RFX6: variants seen among roughly 807,000 people sequenced by gnomAD.
The protein encoded by RFX6 is DNA-binding protein RFX6.
RFX6 carries 50 observed loss-of-function variants against 110.8 expected under a neutral mutation model. That is an observed-to-expected ratio of 0.45 (90% CI 0.36 to 0.57). The LOEUF (loss-of-function observed/expected upper bound fraction) is 0.57, where lower values mean the gene tolerates loss of function less well. Ranked by LOEUF, RFX6 falls within the 20% of genes least tolerant of loss-of-function variation. RFX6 has a pLI of 0.00. For missense variants in RFX6, 990 were observed against 1,127.0 expected, an observed-to-expected ratio of 0.88 and a Z score of 1.74; for synonymous variants, 383 against 411.2, an observed-to-expected ratio of 0.93 and a Z score of 0.83.
intron 4 of RFX6, among the ~76,000 whole-genome samples, chr6:116,886,260 T>G (rs377071507): frequency 2.0e-4 from 31 of 152,334 alleles, no homozygotes; most frequent in African/African-American, 6.3e-4. Context: ...TGATGATGAT[T>G]ACTTAAAAAA....
intron 6 of RFX6, among the ~76,000 whole-genome samples, chr6:116,900,138 T>C (rs546277340): frequency 6.6e-6 from 1 of 152,370 alleles, no homozygotes; most frequent in Admixed American, 6.5e-5. Context: ...AGATAAACTC[T>C]TTCATATCTT....
In RFX6 at chr6:116,923,183, G is replaced by A. The variant is rs749267224; in HGVS notation, c.1514G>A (p.Arg505Gln). The A allele has an allele frequency of 6.3e-6, 10 of 1,596,978 alleles. No individual in the cohort carries two copies. Among genetic ancestry groups the A allele is most frequent in the South Asian group, 1.1e-5 (1 of 90,680 alleles). Reference sequence around the variant, plus strand: ...TTAAAGTGGAGTTTTTTTGGTGCTCGAGTAATGCATAATCTCACCTTGAAC... The same window carrying A: ...TTAAAGTGGAGTTTTTTTGGTGCTCAAGTAATGCATAATCTCACCTTGAAC... ...FLLKWSFFGA[R>Q]VMHNLTLNNA... The change falls in exon 14 of 19, where the codon CGA (arginine) becomes CAA (glutamine). Residue 505 changes from arginine to glutamine, a missense_variant. Arg to Gln is a conservative substitution (Grantham distance 43). This residue lies in a region of RFX6 where 89 missense variants were observed against 140.3 expected (regional missense o/e 0.63). Transcript: ENST00000332958.
rs1775342908 is a variant in RFX6 at position 116,911,178 on chromosome 6, A to G, written c.780+136A>G. The G allele has an allele frequency of 1.1e-5, 7 of 662,040 alleles. No homozygotes were observed. The South Asian group carries it at 1.2e-4, about 12-fold the overall frequency. 41.0% of individuals were successfully genotyped at this position (662,040 alleles called of 1,614,324 possible). A position where few individuals can be genotyped will look rare whatever the true frequency, so the allele number is the denominator to read the frequency against. On this transcript the variant is annotated intron_variant, in intron 7 of 18. Transcript: ENST00000332958. ...AACATAATTGACTGATTTATAGGAG[A>G]GGCAAACTTTTGTTAACATTGATTA...
chr6:116,877,726 G>A lies in RFX6; in HGVS notation c.224-70G>A, dbSNP rs539350650. ...AGTAGGCTACTCCTTTGAAGTTAAG[G>A]TACACTTAAAGGCGACTTAGTTGAT... On this transcript the variant is annotated intron_variant, in intron 1 of 18. Coordinates refer to ENST00000332958, the MANE Select transcript of RFX6 (RefSeq NM_173560.4). 3.1e-5 allele frequency: 47 copies of A among 1,505,502 alleles called. No individual in the cohort carries two copies. In the South Asian group the frequency reaches 5.3e-4, roughly 17 times the overall value. 93.3% of individuals were successfully genotyped at this position (1,505,502 alleles called of 1,614,324 possible).
In RFX6 at chr6:116,916,283, T is replaced by C; in HGVS notation, c.941T>C (p.Ile314Thr). The C allele has an allele frequency of 6.2e-7, 1 of 1,611,834 alleles. No individual in the cohort carries two copies. Among genetic ancestry groups the C allele is most frequent in the Non-Finnish European group, 8.5e-7 (1 of 1,178,232 alleles). The stretch of plus-strand genomic sequence containing the variant: ...CTCGAAAATCCTGTTATCATTGATA[T>C]TTTCTGTGTTTGTGACTCAATTCTT... ...PLLENPVIIDIFCVCDSILYK... is the reference protein window; with the variant it reads ...PLLENPVIIDTFCVCDSILYK... Residue 314 changes from isoleucine to threonine, a missense_variant, in exon 9 of 19, where the codon ATT becomes ACT. By Grantham distance (89) the Ile-to-Thr change is moderately conservative. Around this residue, in one of 5 missense-constraint regions of RFX6, gnomAD observed 243 missense variants for 353.1 expected, o/e 0.69. Transcript: ENST00000332958.
rs149214653 is a variant in RFX6 at position 116,928,802 on chromosome 6, C to T, written c.2442C>T (p.Leu814=). 7.4e-6 allele frequency: 12 copies of T among 1,613,948 alleles called. No homozygotes were observed. The East Asian group carries it at 1.1e-4, about 15-fold the overall frequency. The change falls in exon 18 of 19, where the codon CTC becomes CTT. Residue 814 remains leucine, a synonymous_variant. Coordinates refer to ENST00000332958, the MANE Select transcript of RFX6 (RefSeq NM_173560.4). The part of the protein sequence containing the change: ...SNINYPESHR[L]GSMVNQHVSV... ...TAAACTACCCAGAGTCTCACAGGCT[C>T]GGATCAATGGTGAATCAGCACGTTT... is the stretch of plus-strand genomic sequence containing the variant.
chr6:116,877,864 A>T lies in RFX6; in HGVS notation c.292A>T (p.Lys98Ter). 6.2e-7 allele frequency: 1 copy of T among 1,614,184 alleles called. No individual in the cohort carries two copies. Residue 98 changes from lysine to a stop codon, truncating the protein, a stop_gained, in exon 2 of 19, where the codon AAA (lysine) becomes TAA (stop). Coordinates refer to ENST00000332958, the MANE Select transcript of RFX6 (RefSeq NM_173560.4). LOFTEE classifies it high-confidence loss of function. ...EDADNHDSKT[K>*]AADQYLSQKK... ...CGCCGACAACCACGACAGCAAAACCAAAGCAGCGGATCAATACCTGTCTCA... is the reference window on the plus strand; with the variant it reads ...CGCCGACAACCACGACAGCAAAACCTAAGCAGCGGATCAATACCTGTCTCA...
At chr6:116,887,963 T>A (rs1171495607) in intron 4 of RFX6, among the ~76,000 whole-genome samples, 1 of 152,206 alleles carries the variant, frequency 6.6e-6, no homozygotes, top group Non-Finnish European at 1.5e-5. Flanking sequence ...TAATTTTTTG[T>A]AGACTTTGAT....
chr6:116,907,610 T>G (rs1220659208), intron 6 of RFX6, among the ~76,000 whole-genome samples: 2 of 152,126 alleles, frequency 1.3e-5, no homozygotes, highest in Non-Finnish European at 2.9e-5. Context: ...ACATCTATCT[T>G]TTCGAATTCA....
At chr6:116,918,838 TTAAA>T (rs1404562201) in intron 10 of RFX6, among the ~76,000 whole-genome samples, 1 of 152,142 alleles carries the variant, frequency 6.6e-6, no homozygotes, top group African/African-American at 2.4e-5. Context: ...ATTGTAGTCT[TTAAA>T]TATCTATTCT....
At chr6:116,920,956 T>C (rs1313057963) in intron 12 of RFX6, among the ~76,000 whole-genome samples, 2 of 152,170 alleles carry the variant, frequency 1.3e-5, no homozygotes, top group African/African-American at 2.4e-5. Flanking sequence ...GTGATAAATA[T>C]CAAAATGGTA....
intron 2 of RFX6, among the ~76,000 whole-genome samples, chr6:116,879,413 T>A (rs563306485): frequency 2.2e-4 from 33 of 152,114 alleles, no homozygotes; most frequent in African/African-American, 7.9e-4. Context: ...GTTTTCACTA[T>A]CAACTAGTAT....
chr6:116,915,338 T>A (rs1001344229), intron 7 of RFX6, among the ~76,000 whole-genome samples: 1 of 152,166 alleles, frequency 6.6e-6, no homozygotes, highest in African/African-American at 2.4e-5. Flanking sequence ...TTTAGTAAGG[T>A]CTTACTGGGT....
intron 8 of RFX6, 33 bp from the exon 9 acceptor site, chr6:116,916,168 A>G: frequency 6.3e-7 from 1 of 1,583,126 alleles, no homozygotes; most frequent in Non-Finnish European, 8.7e-7. Flanking sequence ...GTTAAAGAAA[A>G]AAATCTTAAC....
intron 6 of RFX6, among the ~76,000 whole-genome samples, chr6:116,902,785 T>C (rs1775103702): frequency 6.6e-6 from 1 of 152,058 alleles, no homozygotes; most frequent in South Asian, 2.1e-4. Context: ...CCAAGATAAA[T>C]ATCAAATCCT....
At chr6:116,930,217 A>T (rs1281378120) in intron 18 of RFX6, among the ~76,000 whole-genome samples, 1 of 152,198 alleles carries the variant, frequency 6.6e-6, no homozygotes, top group Non-Finnish European at 1.5e-5. Flanking sequence ...GGGATAGAAT[A>T]AGTGGATAAG....
intron 4 of RFX6, among the ~76,000 whole-genome samples, chr6:116,883,196 A>G (rs914388319): frequency 9.9e-5 from 15 of 152,048 alleles, no homozygotes; most frequent in African/African-American, 3.6e-4. Context: ...GACCTAGTCC[A>G]TTTCCTACCT....
intron 6 of RFX6, among the ~76,000 whole-genome samples, chr6:116,898,731 A>G (rs546946211): frequency 1.3e-5 from 2 of 152,280 alleles, no homozygotes; most frequent in African/African-American, 2.4e-5. Context: ...TTTGTGGCAG[A>G]AAGTTGAGGT....
At chr6:116,918,109 G>A in intron 10 of RFX6, 23 bp downstream of exon 10, 1 of 1,541,076 alleles carries the variant, frequency 6.5e-7, no homozygotes, top group Non-Finnish European at 9.0e-7. Context: ...AATAAAACAT[G>A]AGCATTCCTA....
Sources: allele counts gnomAD v4.1 joint callset (sites outside exome capture counted in the v4.1 genomes callset), GRCh38; gene constraint gnomAD v4.1.1; regional missense constraint gnomAD v4.1.1; transcripts MANE v1.5; gene names NCBI Gene and HGNC (gene_info 2026-07-23, HGNC 2026-07-21).